Variants in ZFHX3 observed in about 807,000 individuals in gnomAD.
ZFHX3 encodes the protein zinc finger homeobox protein 3.
In ZFHX3, 42 loss-of-function variants were observed where a neutral mutation model predicts 279.1. The ratio of observed to expected loss-of-function variants is 0.15; its 90% confidence interval spans 0.12 to 0.19. The LOEUF (loss-of-function observed/expected upper bound fraction) is 0.19. Among genes scored for constraint, ZFHX3 ranks in the 10% least tolerant of loss-of-function variants. The pLI is 1.00. For missense variants in ZFHX3, 4,981 were observed against 4,754.0 expected, an observed-to-expected ratio of 1.05 and a Z score of -1.40; for synonymous variants, 2,293 against 1,957.8, an observed-to-expected ratio of 1.17 and a Z score of -4.52.
chr16:72,969,745 G>A (rs1441300102), intron 1 of ZFHX3, among the ~76,000 whole-genome samples: 1 of 152,172 alleles, frequency 6.6e-6, no homozygotes, highest in African/African-American at 2.4e-5. Context: ...ATCCACTGAA[G>A]AACCATACCC....
At chr16:73,601,013 CAA>C (rs11345378) in intron 2 of ZFHX3, among the ~76,000 whole-genome samples, 177 of 145,656 alleles carry the variant, frequency 1.2e-3, no homozygotes, top group East Asian at 2.0e-3. Context: ...TTTTGTTTCT[CAA>C]AAAAAAAAAA....
At chr16:72,919,589 A>C (rs2039530248) in intron 3 of ZFHX3, among the ~76,000 whole-genome samples, 1 of 152,010 alleles carries the variant, frequency 6.6e-6, no homozygotes, top group Non-Finnish European at 1.5e-5. Flanking sequence ...GTACAGAAAG[A>C]AATGTATAAA....
intron 7 of ZFHX3, among the ~76,000 whole-genome samples, chr16:73,119,334 T>C (rs892470493): frequency 6.6e-6 from 1 of 152,186 alleles, no homozygotes; most frequent in African/African-American, 2.4e-5. Flanking sequence ...CTCCAACTTC[T>C]GGGCTCAAGT....
chr16:72,925,688 C>T (rs755242674), intron 3 of ZFHX3, among the ~76,000 whole-genome samples: 1 of 152,218 alleles, frequency 6.6e-6, no homozygotes, highest in Admixed American at 6.5e-5. Context: ...TGGACCCGCA[C>T]AATCATCTAC....
intron 5 of ZFHX3, among the ~76,000 whole-genome samples, chr16:73,151,909 A>G (rs949006881): frequency 2.0e-5 from 3 of 151,520 alleles, no homozygotes; most frequent in Non-Finnish European, 4.4e-5. Flanking sequence ...GAAAGAAAGA[A>G]AAGACCCACC....
intron 2 of ZFHX3, among the ~76,000 whole-genome samples, chr16:73,515,289 C>A (rs989455148): frequency 6.6e-6 from 1 of 152,200 alleles, no homozygotes; most frequent in Non-Finnish European, 1.5e-5. Context: ...ATGTGCAAGA[C>A]ACACCACCTT....
At chr16:72,925,293 T>C (rs955423498) in intron 3 of ZFHX3, among the ~76,000 whole-genome samples, 3 of 152,202 alleles carry the variant, frequency 2.0e-5, no homozygotes, top group African/African-American at 4.8e-5. Context: ...AATGCAGCTG[T>C]AGAGTGAGTC....
chr16:73,152,931 A>T (rs541282332), intron 5 of ZFHX3, among the ~76,000 whole-genome samples: 5 of 152,096 alleles, frequency 3.3e-5, no homozygotes, highest in African/African-American at 1.2e-4. Flanking sequence ...CTCTTTCCTG[A>T]CCACAGGCTG....
intron 5 of ZFHX3, among the ~76,000 whole-genome samples, chr16:72,812,485 C>A (rs1348285598): frequency 6.6e-6 from 1 of 152,154 alleles, no homozygotes; most frequent in Non-Finnish European, 1.5e-5. Context: ...ACTTTATTGT[C>A]CCTCCTCTTG....
chr16:73,003,511 G>GTC (rs1597078299), intron 1 of ZFHX3, among the ~76,000 whole-genome samples: 3 of 94,902 alleles, frequency 3.2e-5, no homozygotes, highest in African/African-American at 8.7e-5. Flanking sequence ...AACATGGTGA[G>GTC]ACCCCCCCCT....
chr16:73,309,906 C>CTTTT (rs57812149), intron 4 of ZFHX3, among the ~76,000 whole-genome samples: 2,267 of 114,090 alleles, frequency 0.02, 75 homozygotes, highest in Non-Finnish European at 0.027. Context: ...TTTTTCTTGC[C>CTTTT]TTTTTTTTTT....
intron 2 of ZFHX3, among the ~76,000 whole-genome samples, chr16:73,466,055 C>T (rs1475747517): frequency 1.3e-5 from 2 of 151,918 alleles, no homozygotes; most frequent in African/African-American, 4.8e-5. Context: ...CTGAAGATTC[C>T]AGTATGAAAA....
At chr16:72,811,862 A>C (rs763597325) in intron 6 of ZFHX3, 43 bp downstream of exon 6, 1 of 1,609,068 alleles carries the variant, frequency 6.2e-7, no homozygotes, top group African/African-American at 1.3e-5. Flanking sequence ...CCAATGTCTA[A>C]AACACCTCAC....
At chr16:73,516,189 G>A (rs1292934800) in intron 2 of ZFHX3, among the ~76,000 whole-genome samples, 2 of 152,154 alleles carry the variant, frequency 1.3e-5, no homozygotes, top group Admixed American at 6.6e-5. Flanking sequence ...TATAATCACT[G>A]CGAGAAAAGA....
intron 3 of ZFHX3, among the ~76,000 whole-genome samples, chr16:73,425,807 C>G (rs1033237100): frequency 2.0e-5 from 3 of 152,124 alleles, no homozygotes; most frequent in Admixed American, 6.6e-5. Context: ...CAGATCATTG[C>G]GAAAATCAGA....
chr16:73,495,958 C>T (rs184263566), intron 2 of ZFHX3, among the ~76,000 whole-genome samples: 1 of 152,196 alleles, frequency 6.6e-6, no homozygotes. Flanking sequence ...CACGGTCGTG[C>T]TGCAGAAACG....
chr16:73,544,165 T>C (rs1203649707), intron 2 of ZFHX3, among the ~76,000 whole-genome samples: 1 of 152,072 alleles, frequency 6.6e-6, no homozygotes, highest in Non-Finnish European at 1.5e-5. Flanking sequence ...TTCTCTGCTG[T>C]CATTGCCTAG....
chr16:73,462,334 A>G (rs532226265), intron 2 of ZFHX3, among the ~76,000 whole-genome samples: 2 of 152,248 alleles, frequency 1.3e-5, no homozygotes, highest in South Asian at 4.1e-4. Flanking sequence ...GAGATTTTCA[A>G]TGTTGACAAT....
At chr16:73,714,897 C>G (rs1012543119) in intron 1 of ZFHX3, among the ~76,000 whole-genome samples, 4 of 152,180 alleles carry the variant, frequency 2.6e-5, no homozygotes, top group African/African-American at 9.6e-5. Flanking sequence ...CTCATTTAAA[C>G]AAAAACAGGT....
Sources: gnomAD v4.1 joint callset for allele counts (sites outside exome capture counted in the v4.1 genomes callset) on GRCh38, gnomAD v4.1.1 for gene constraint, MANE v1.5 for transcripts, NCBI Gene and HGNC (gene_info 2026-07-23, HGNC 2026-07-21) for gene names.